The following RIMS4 variants were observed in gnomAD, a reference collection of about 807,000 sequenced individuals.
RIMS4 encodes the protein regulating synaptic membrane exocytosis protein 4.
A neutral mutation model predicts 29.0 loss-of-function variants in RIMS4; 9 were observed. The ratio of observed to expected loss-of-function variants is 0.31; its 90% CI spans 0.19 to 0.54. The LOEUF (loss-of-function observed/expected upper bound fraction) is 0.54, where lower values mean the gene tolerates loss of function less well. RIMS4 is among the 20% of genes least tolerant of loss of function. RIMS4 has a pLI of 0.94. For missense variants in RIMS4, 193 were observed against 365.7 expected (o/e 0.53, Z 3.85); for synonymous variants, 130 against 152.9 (o/e 0.85, Z 1.10).
In RIMS4 at chr20:44,806,469, T is replaced by C. The variant is rs150349405; in HGVS notation, c.97+3706A>G. On this transcript the variant is annotated intron_variant, in intron 1 of 5. Transcript: ENST00000372851. ...GGCAGGCGAGTCTCCCAAATCCCTA[T>C]GTTTAAGCCACTTCAAAGAAGGAGG... is the stretch of plus-strand genomic sequence containing the variant. 4.2e-3 allele frequency among the ~76,000 whole-genome samples: 641 copies of C among 152,294 alleles called. 15 individuals are homozygous for C. The East Asian group carries it at 0.069, about 16-fold the overall frequency.
At chr20:44,782,515 G>A (rs149615024) in intron 1 of RIMS4, among the ~76,000 whole-genome samples, 9 of 152,114 alleles carry the variant, frequency 5.9e-5, no homozygotes, top group Non-Finnish European at 1.2e-4. Flanking sequence ...AACCTCAAAT[G>A]ATCTGCCTGC....
intron 1 of RIMS4, among the ~76,000 whole-genome samples, chr20:44,788,593 C>T (rs1047378956): frequency 2.0e-5 from 3 of 152,072 alleles, no homozygotes; most frequent in East Asian, 1.9e-4. Context: ...GGCAACATAG[C>T]GAGACCCTGT....
chr20:44,801,676 G>C (rs1229297264), intron 1 of RIMS4, among the ~76,000 whole-genome samples: 2 of 152,200 alleles, frequency 1.3e-5, no homozygotes, highest in East Asian at 1.9e-4. Flanking sequence ...CTGATGCATT[G>C]CTCATTTTGA....
chr20:44,770,047 T>C (rs1568897469), intron 2 of RIMS4, among the ~76,000 whole-genome samples: 1 of 152,258 alleles, frequency 6.6e-6, no homozygotes, highest in Non-Finnish European at 1.5e-5. Context: ...AGTTTCATCT[T>C]ATTTAATTAG....
chr20:44,802,612 G>A (rs148867647), intron 1 of RIMS4, among the ~76,000 whole-genome samples: 13 of 152,284 alleles, frequency 8.5e-5, no homozygotes, highest in South Asian at 2.1e-4. Flanking sequence ...CAGCTACAGC[G>A]TGAAAGGAAG....
intron 1 of RIMS4, among the ~76,000 whole-genome samples, chr20:44,771,832 C>G (rs1306180228): frequency 6.6e-6 from 1 of 152,140 alleles, no homozygotes. Flanking sequence ...GCAGTAGGGG[C>G]TGCCCTGGGC....
At chr20:44,802,151 C>T (rs1386553507) in intron 1 of RIMS4, among the ~76,000 whole-genome samples, 2 of 152,168 alleles carry the variant, frequency 1.3e-5, no homozygotes, top group Admixed American at 6.5e-5. Context: ...CTGACAACAG[C>T]CACTGTGACA....
At chr20:44,760,575 A>G (rs2066080096) in intron 2 of RIMS4, among the ~76,000 whole-genome samples, 1 of 152,158 alleles carries the variant, frequency 6.6e-6, no homozygotes, top group Admixed American at 6.5e-5. Context: ...ATGATTGCAG[A>G]CCACACACTC....
At chr20:44,759,312 C>T (rs759125520) in intron 2 of RIMS4, among the ~76,000 whole-genome samples, 10 of 152,042 alleles carry the variant, frequency 6.6e-5, no homozygotes, top group Non-Finnish European at 1.3e-4. Flanking sequence ...TGCAGTGGCA[C>T]GGTCTTGGCT....
chr20:44,789,042 T>A (rs1279440839), intron 1 of RIMS4, among the ~76,000 whole-genome samples: 1 of 151,952 alleles, frequency 6.6e-6, no homozygotes, highest in Non-Finnish European at 1.5e-5. Context: ...AGCCTTCCAA[T>A]AACCTGAGGG....
At chr20:44,799,387 G>A (rs1384239607) in intron 1 of RIMS4, among the ~76,000 whole-genome samples, 1 of 152,066 alleles carries the variant, frequency 6.6e-6, no homozygotes, top group African/African-American at 2.4e-5. Context: ...GTCCCTCTGC[G>A]AGGACTTAGC....
chr20:44,788,938 C>T (rs932047644), intron 1 of RIMS4, among the ~76,000 whole-genome samples: 2 of 151,852 alleles, frequency 1.3e-5, no homozygotes, highest in Admixed American at 6.6e-5. Flanking sequence ...GTTGAATTTA[C>T]CATGAAAATG....
chr20:44,779,287 T>G (rs1158009958), intron 1 of RIMS4, among the ~76,000 whole-genome samples: 1 of 152,198 alleles, frequency 6.6e-6, no homozygotes, highest in African/African-American at 2.4e-5. Flanking sequence ...CAATTATATA[T>G]CGCACAGTTG....
chr20:44,773,551 G>C (rs2066146270), intron 1 of RIMS4, among the ~76,000 whole-genome samples: 2 of 151,836 alleles, frequency 1.3e-5, no homozygotes, highest in Non-Finnish European at 2.9e-5. Context: ...CAGGCAGGCA[G>C]CACACACCTG....
Position 44,753,075 on chromosome 20 carries a change from G to A in RIMS4, c.*3059C>T, listed in dbSNP as rs575556378. ...GAGCAACGGTCTCCTGTCGCCTGAAGAACAATGGAGCCCCTAGTTCTTCCC... is the reference window on the plus strand; with the variant it reads ...GAGCAACGGTCTCCTGTCGCCTGAAAAACAATGGAGCCCCTAGTTCTTCCC... On this transcript the variant is annotated 3_prime_UTR_variant, in exon 6 of 6. Coordinates refer to ENST00000372851, the MANE Select transcript of RIMS4 (RefSeq NM_182970.4). The A allele has an allele frequency of 1.3e-5, 2 of 152,890 alleles. No homozygotes were observed. The highest frequency in any genetic ancestry group is 1.9e-4 in the East Asian group (1 of 5,184). 9.5% of individuals were successfully genotyped at this position (152,890 alleles called of 1,614,324 possible). A position where few individuals can be genotyped will look rare whatever the true frequency, so the allele number is the denominator to read the frequency against.
chr20:44,799,973 G>T (rs2066270803), intron 1 of RIMS4, among the ~76,000 whole-genome samples: 1 of 152,182 alleles, frequency 6.6e-6, no homozygotes, highest in South Asian at 2.1e-4. Flanking sequence ...ACACCTTCGA[G>T]GCAGGATGGG....
Position 44,810,504 on chromosome 20 carries a change from C to CGGCGGCGGCGGT in RIMS4, c.-245_-234dup, listed in dbSNP as rs972584206. ...CGCGCTGTGCTGCTGGCGGCGGCGG[C>CGGCGGCGGCGGT]GGCGGCGGCGGTGGCGGCGGCGGTG... is the stretch of plus-strand genomic sequence containing the variant. On this transcript the variant is annotated 5_prime_UTR_variant, in exon 1 of 6. Transcript: ENST00000372851. Among the ~76,000 whole-genome samples, 1,277 of 144,040 alleles carry CGGCGGCGGCGGT rather than the reference C, an allele frequency of 8.9e-3. 9 individuals carry two copies. The highest frequency in any genetic ancestry group is 0.011 in the Non-Finnish European group (733 of 65,076). The allele number at this position is 144,040 out of a possible 152,430, so 94.5% of individuals were successfully genotyped here. A position where few individuals can be genotyped will look rare whatever the true frequency, so the allele number is the denominator to read the frequency against.
At chr20:44,771,513 G>A (rs1287038168) in intron 1 of RIMS4, 100 bp from the exon 2 acceptor site, 5 of 1,348,026 alleles carry the variant, frequency 3.7e-6, no homozygotes, top group Admixed American at 2.0e-5. Context: ...GCAGCTGGGG[G>A]CTGTCCAGCT....
intron 1 of RIMS4, among the ~76,000 whole-genome samples, chr20:44,800,379 C>T (rs1601045596): frequency 6.6e-6 from 1 of 151,880 alleles, no homozygotes; most frequent in East Asian, 1.9e-4. Flanking sequence ...GTAATAACAG[C>T]ATAAAGCATT....
Sources: gnomAD v4.1 joint callset for allele counts (sites outside exome capture counted in the v4.1 genomes callset) on GRCh38, gnomAD v4.1.1 for gene constraint, MANE v1.5 for transcripts, NCBI Gene and HGNC (gene_info 2026-07-23, HGNC 2026-07-21) for gene names.